MDGA2: variants seen among roughly 807,000 people sequenced by gnomAD.
MDGA2 encodes the protein MAM domain containing glycosylphosphatidylinositol anchor 2.
In MDGA2, 40 loss-of-function variants were observed where a neutral mutation model predicts 117.8. The ratio of observed to expected loss-of-function variants is 0.34; its 90% CI spans 0.26 to 0.44. The LOEUF (loss-of-function observed/expected upper bound fraction) is 0.44, where lower values mean the gene tolerates loss of function less well. Among genes scored for constraint, MDGA2 ranks in the 20% least tolerant of loss-of-function variants. The pLI is 1.00. For synonymous variants in MDGA2, 452 were observed against 439.0 expected (o/e 1.03, Z -0.37); for missense variants, 1,123 against 1,250.6 (o/e 0.90, Z 1.54).
chr14:47,647,936 T>G (rs892401383), intron 1 of MDGA2, among the ~76,000 whole-genome samples: 10 of 152,140 alleles, frequency 6.6e-5, no homozygotes, highest in African/African-American at 1.7e-4. Context: ...TCTTTACAAA[T>G]TATATTAATG....
chr14:47,599,390 G>A (rs550265504), intron 1 of MDGA2, among the ~76,000 whole-genome samples: 1 of 151,940 alleles, frequency 6.6e-6, no homozygotes, highest in South Asian at 2.1e-4. Context: ...GGCACAAAAG[G>A]AAAAGGCAAT....
intron 3 of MDGA2, chr14:47,201,177 C>T (rs769649086): frequency 1.1e-5 from 7 of 623,978 alleles, no homozygotes; most frequent in Non-Finnish European, 2.1e-5. Flanking sequence ...GCTCCATCAA[C>T]TTCTTGAGGA....
chr14:47,247,785 C>T (rs1887297041), intron 2 of MDGA2, among the ~76,000 whole-genome samples: 1 of 151,180 alleles, frequency 6.6e-6, no homozygotes, highest in African/African-American at 2.4e-5. Context: ...AATACTAACC[C>T]TCTCCTAGCA....
At chr14:47,019,033 C>T (rs1023083293) in intron 8 of MDGA2, among the ~76,000 whole-genome samples, 1 of 152,138 alleles carries the variant, frequency 6.6e-6, no homozygotes, top group South Asian at 2.1e-4. Flanking sequence ...ACTTGAATTT[C>T]CCTTCATCTA....
chr14:46,895,149 T>G (rs758805425), intron 10 of MDGA2, among the ~76,000 whole-genome samples: 85 of 152,172 alleles, frequency 5.6e-4, no homozygotes, highest in Non-Finnish European at 1.3e-4. Flanking sequence ...AATCTCATCT[T>G]GAATTGTAGT....
Position 47,675,212 on chromosome 14 carries a change from A to C in MDGA2, c.-416T>G, listed in dbSNP as rs1213235171. 1.3e-5 allele frequency among the ~76,000 whole-genome samples: 2 copies of C among 152,070 alleles called. No individual in the cohort carries two copies. Among genetic ancestry groups the C allele is most frequent in the Non-Finnish European group, 2.9e-5 (2 of 67,990 alleles). On this transcript the variant is annotated 5_prime_UTR_variant, in exon 1 of 17. Coordinates refer to ENST00000399232, the MANE Select transcript of MDGA2 (RefSeq NM_001113498.3). The stretch of plus-strand genomic sequence containing the variant: ...CAGCGGCCCGCCCGCCCGCAGTCCG[A>C]AGCCCCCAGCCCTGCTGTCTTGCCT...
At chr14:47,186,008 G>A (rs1198192184) in intron 3 of MDGA2, among the ~76,000 whole-genome samples, 1 of 151,498 alleles carries the variant, frequency 6.6e-6, no homozygotes, top group East Asian at 1.9e-4. Context: ...TCAGTAATAT[G>A]TGTACATATG....
intron 1 of MDGA2, among the ~76,000 whole-genome samples, chr14:47,529,117 G>A (rs1182653607): frequency 1.3e-5 from 2 of 151,742 alleles, no homozygotes; most frequent in African/African-American, 4.8e-5. Flanking sequence ...TCCTGTCTCA[G>A]CCTCCTGAGT....
chr14:47,282,105 G>T (rs896265323), intron 2 of MDGA2, among the ~76,000 whole-genome samples: 2 of 150,862 alleles, frequency 1.3e-5, no homozygotes, highest in Admixed American at 6.6e-5. Context: ...ACCTTGAAAT[G>T]ATGTTTGTAT....
At chr14:46,873,184 A>G (rs773934999) in intron 14 of MDGA2, 17 of 378,132 alleles carry the variant, frequency 4.5e-5, no homozygotes, top group African/African-American at 3.3e-4. Context: ...AATTTAACTC[A>G]TTGATTGTCT....
intron 1 of MDGA2, among the ~76,000 whole-genome samples, chr14:47,345,540 C>T (rs1178931315): frequency 6.6e-6 from 1 of 151,978 alleles, no homozygotes; most frequent in Non-Finnish European, 1.5e-5. Flanking sequence ...TGGGTGACAA[C>T]TCTCAACTAT....
At chr14:47,272,862 CAGTT>C (rs1888191513) in intron 2 of MDGA2, among the ~76,000 whole-genome samples, 1 of 152,032 alleles carries the variant, frequency 6.6e-6, no homozygotes, top group Admixed American at 6.6e-5. Flanking sequence ...GTTTGCTAAT[CAGTT>C]AGCGAAATGC....
chr14:47,363,170 T>A (rs1216290779), intron 1 of MDGA2, among the ~76,000 whole-genome samples: 1 of 152,176 alleles, frequency 6.6e-6, no homozygotes, highest in Non-Finnish European at 1.5e-5. Flanking sequence ...ATTTTATACA[T>A]ACTATTAGAC....
At chr14:47,331,774 A>T (rs1366791298) in intron 1 of MDGA2, among the ~76,000 whole-genome samples, 1 of 151,974 alleles carries the variant, frequency 6.6e-6, no homozygotes, top group African/African-American at 2.4e-5. Context: ...TATTAGTTTA[A>T]CTAGATCAGG....
chr14:47,238,736 A>G (rs1234103124), intron 2 of MDGA2, among the ~76,000 whole-genome samples: 1 of 151,754 alleles, frequency 6.6e-6, no homozygotes, highest in Non-Finnish European at 1.5e-5. Flanking sequence ...AATAGAAAGT[A>G]AAAGTTCAGG....
chr14:47,597,792 T>G (rs1896571369), intron 1 of MDGA2, among the ~76,000 whole-genome samples: 1 of 150,938 alleles, frequency 6.6e-6, no homozygotes, highest in African/African-American at 2.4e-5. Flanking sequence ...TAGAGAGAGT[T>G]AAATATATGG....
At chr14:46,974,596 T>C (rs546773316) in intron 8 of MDGA2, among the ~76,000 whole-genome samples, 1 of 152,238 alleles carries the variant, frequency 6.6e-6, no homozygotes, top group Admixed American at 6.5e-5. Context: ...AATTATTTTG[T>C]ACAAAAGAGG....
chr14:47,094,399 G>T lies in MDGA2; in HGVS notation c.1195+2455C>A, dbSNP rs548067454. Among the ~76,000 whole-genome samples, 62 of 152,040 alleles carry T rather than the reference G, an allele frequency of 4.1e-4. 1 individual carries two copies. The South Asian group carries it at 0.012, about 30-fold the overall frequency. On this transcript the variant is annotated intron_variant, in intron 6 of 16. Coordinates refer to ENST00000399232, the MANE Select transcript of MDGA2 (RefSeq NM_001113498.3). ...GATACAGGTGAAAACTGTTAGGTAG[G>T]GTAGAGAGGAGAAAATCATACCCTA... is the stretch of plus-strand genomic sequence containing the variant.
intron 8 of MDGA2, among the ~76,000 whole-genome samples, chr14:47,001,489 T>C (rs1304938110): frequency 1.3e-5 from 2 of 152,066 alleles, no homozygotes; most frequent in African/African-American, 4.8e-5. Flanking sequence ...TGAAAGTTGT[T>C]ACTAACATGG....
Sources: gnomAD v4.1 joint callset for allele counts (sites outside exome capture counted in the v4.1 genomes callset) on GRCh38, gnomAD v4.1.1 for gene constraint, MANE v1.5 for transcripts, NCBI Gene and HGNC (gene_info 2026-07-23, HGNC 2026-07-21) for gene names.